TCF4: variants seen among roughly 807,000 people sequenced by gnomAD.
TCF4 encodes SL3-3 enhancer factor 2.
In TCF4, 3 loss-of-function variants were observed where a neutral mutation model predicts 82.1. That is an observed-to-expected ratio of 0.04 (90% confidence interval 0.02 to 0.09). The LOEUF (loss-of-function observed/expected upper bound fraction) is 0.09. TCF4 is among the 10% of genes least tolerant of loss of function. The pLI is 1.00. For missense variants in TCF4, 518 were observed against 852.7 expected, an observed-to-expected ratio of 0.61 and a Z score of 4.89; for synonymous variants, 276 against 309.6, an observed-to-expected ratio of 0.89 and a Z score of 1.14.
At chr18:55,523,995 T>G (rs1232536642) in intron 3 of TCF4, among the ~76,000 whole-genome samples, 1 of 152,152 alleles carries the variant, frequency 6.6e-6, no homozygotes, top group Non-Finnish European at 1.5e-5. Context: ...AAATATTCAC[T>G]GAAAATTTAG....
At chr18:55,321,397 C>G (rs1167950621) in intron 8 of TCF4, 1 of 498,590 alleles carries the variant, frequency 2.0e-6, no homozygotes, top group Non-Finnish European at 3.6e-6. Context: ...TCAACTTTAC[C>G]TGACTGCAAA....
At chr18:55,600,672 C>T (rs747526777) in intron 2 of TCF4, among the ~76,000 whole-genome samples, 3 of 152,192 alleles carry the variant, frequency 2.0e-5, no homozygotes, top group Non-Finnish European at 4.4e-5. Context: ...CTTTGCCACC[C>T]AGATAGGTTC....
Position 55,303,226 on chromosome 18 carries a change from T to TACACACAC in TCF4, c.550-23578_550-23571dup, listed in dbSNP as rs74180496. Reference sequence around the variant, plus strand: ...TACTTCCAACCTGGCTCCCAGTACGTACACACACACACACACACACACACA... The same window carrying TACACACAC: ...TACTTCCAACCTGGCTCCCAGTACGTACACACACACACACACACACACACACACACACA... On this transcript the variant is annotated intron_variant, in intron 8 of 19. Transcript: ENST00000354452. Among the ~76,000 whole-genome samples the TACACACAC allele has an allele frequency of 4.6e-3, 622 of 136,050 alleles. 4 individuals are homozygous for TACACACAC. Among genetic ancestry groups the TACACACAC allele is most frequent in the South Asian group, 6.9e-3 (26 of 3,768 alleles). The allele number at this position is 136,050 out of a possible 152,430, so 89.3% of individuals were successfully genotyped here.
intron 3 of TCF4, among the ~76,000 whole-genome samples, chr18:55,520,779 C>G (rs2096926354): frequency 6.6e-6 from 1 of 152,146 alleles, no homozygotes; most frequent in African/African-American, 2.4e-5. Context: ...ATTCATTAGG[C>G]AGGAATCATA....
rs2097671125 is a variant in TCF4, at chr18:55,588,149, C to T, written c.-132G>A. The T allele has an allele frequency of 1.8e-6, 2 of 1,086,656 alleles. No homozygotes were observed. Among genetic ancestry groups the T allele is most frequent in the Non-Finnish European group, 1.1e-6 (1 of 901,448 alleles). The allele number at this position is 1,086,656 out of a possible 1,614,324, so 67.3% of individuals were successfully genotyped here. ...GCTCCTGCGCCCGCTCCCGCGCCTGCTGCCTCCCCGCCGCCGCCGCCGCCG... is the reference window on the plus strand; with the variant it reads ...GCTCCTGCGCCCGCTCCCGCGCCTGTTGCCTCCCCGCCGCCGCCGCCGCCG... On this transcript the variant is annotated 5_prime_UTR_variant, in exon 1 of 20. Coordinates refer to ENST00000354452, the MANE Select transcript of TCF4 (RefSeq NM_001083962.2).
chr18:55,283,273 A>G (rs2062990023), intron 8 of TCF4, among the ~76,000 whole-genome samples: 1 of 151,458 alleles, frequency 6.6e-6, no homozygotes, highest in Non-Finnish European at 1.5e-5. Context: ...TTATTTCTGC[A>G]CTCATCAAAG....
chr18:55,604,343 G>A (rs1361752490), intron 2 of TCF4, among the ~76,000 whole-genome samples: 3 of 152,044 alleles, frequency 2.0e-5, no homozygotes, highest in Non-Finnish European at 2.9e-5. Flanking sequence ...GAAGTTTTTG[G>A]TTTGGGTTGG....
upstream of TCF4, chr18:55,588,502 G>C: frequency 6.5e-7 from 1 of 1,535,224 alleles, no homozygotes; most frequent in Non-Finnish European, 8.7e-7. Flanking sequence ...GTTACAATCT[G>C]AAGCCTGAAC....
intron 3 of TCF4, among the ~76,000 whole-genome samples, chr18:55,497,170 C>T (rs1420682845): frequency 2.0e-5 from 3 of 152,116 alleles, no homozygotes; most frequent in Non-Finnish European, 4.4e-5. Flanking sequence ...GGTTAAAGAA[C>T]AAGTTTGTCA....
rs199540114 is a variant in TCF4 at position 55,585,341 on chromosome 18, A to C, written c.84T>G (p.Pro28=). ...GTCCATTTTTCCCACTGCTCACAGG[A>C]GGTGAAAACATCTAAAAGAAACAAA... is the stretch of plus-strand genomic sequence containing the variant. ...DLLDFSAMFS[P]PVSSGKNGPT... Residue 28 remains proline, a synonymous_variant, in exon 3 of 20, where the codon CCT becomes CCG. Coordinates refer to ENST00000354452, the MANE Select transcript of TCF4 (RefSeq NM_001083962.2). 6 of 1,613,966 alleles carry C rather than the reference A, an allele frequency of 3.7e-6. No individual in the cohort carries two copies. In the African/African-American group the frequency reaches 8.0e-5, roughly 22 times the overall value.
chr18:55,476,814 A>G (rs2096299628), intron 3 of TCF4, among the ~76,000 whole-genome samples: 1 of 152,134 alleles, frequency 6.6e-6, no homozygotes, highest in Admixed American at 6.5e-5. Flanking sequence ...ACATATTTCA[A>G]CTGTGATTTA....
chr18:55,343,550 C>T (rs1340850550), intron 8 of TCF4, among the ~76,000 whole-genome samples: 1 of 152,084 alleles, frequency 6.6e-6, no homozygotes, highest in Non-Finnish European at 1.5e-5. Context: ...CACATTCTTT[C>T]AGAAGTGAAA....
rs1235997582 is a variant in TCF4 at position 55,226,907 on chromosome 18, ATTATG to A, written c.*1123_*1127del. ...ATTTTGTTAAATCACAGCCACTTTG[ATTATG>A]TTATGTTTCCGATGATATAAACATT... On this transcript the variant is annotated 3_prime_UTR_variant, in exon 20 of 20. Transcript: ENST00000354452. 2 of 152,584 alleles carry A rather than the reference ATTATG, an allele frequency of 1.3e-5. No homozygotes were observed. Among genetic ancestry groups the A allele is most frequent in the Non-Finnish European group, 2.9e-5 (2 of 68,014 alleles). The allele number at this position is 152,584 out of a possible 1,614,324, so 9.5% of individuals were successfully genotyped here.
At chr18:55,545,835 AAAG>A (rs1448417772) in intron 3 of TCF4, among the ~76,000 whole-genome samples, 3 of 152,228 alleles carry the variant, frequency 2.0e-5, no homozygotes, top group South Asian at 2.1e-4. Context: ...AGCAAAGATT[AAAG>A]AAGATGCGGT....
At chr18:55,297,782 CA>C (rs912871171) in intron 8 of TCF4, among the ~76,000 whole-genome samples, 20 of 146,490 alleles carry the variant, frequency 1.4e-4, no homozygotes, top group East Asian at 6.0e-4. Flanking sequence ...AAGAAGCAAA[CA>C]AAAAAAAAAC....
intron 3 of TCF4, among the ~76,000 whole-genome samples, chr18:55,533,163 A>C (rs1307307170): frequency 3.3e-5 from 5 of 152,156 alleles, no homozygotes; most frequent in Non-Finnish European, 7.3e-5. Flanking sequence ...TACAACAAGA[A>C]ACACCCCTGA....
intron 8 of TCF4, among the ~76,000 whole-genome samples, chr18:55,296,428 C>A (rs866708964): frequency 2.0e-5 from 3 of 152,196 alleles, no homozygotes; most frequent in African/African-American, 7.2e-5. Context: ...ACTTCCACTG[C>A]TTAGAAGTCT....
At chr18:55,598,085 A>G (rs1430386531) in intron 2 of TCF4, among the ~76,000 whole-genome samples, 1 of 152,228 alleles carries the variant, frequency 6.6e-6, no homozygotes, top group Non-Finnish European at 1.5e-5. Context: ...CAAACTATAT[A>G]GAGAGTTATC....
In TCF4 at chr18:55,254,480, T is replaced by C. The variant is rs768511368; in HGVS notation, c.1350+17A>G. The C allele has an allele frequency of 6.2e-7, 1 of 1,611,282 alleles. No individual in the cohort carries two copies. The highest frequency in any genetic ancestry group is 8.5e-7 in the Non-Finnish European group (1 of 1,178,086). Reference sequence around the variant, plus strand: ...CTCTATATGATAACTATAGAGTCTATAAATTTCATCACTTACCATGAGTGA... The same window carrying C: ...CTCTATATGATAACTATAGAGTCTACAAATTTCATCACTTACCATGAGTGA... On this transcript the variant is annotated intron_variant, in intron 15 of 19. Transcript: ENST00000354452.
Sources: gnomAD v4.1 joint callset for allele counts (sites outside exome capture counted in the v4.1 genomes callset) on GRCh38, gnomAD v4.1.1 for gene constraint, MANE v1.5 for transcripts, NCBI Gene and HGNC (gene_info 2026-07-23, HGNC 2026-07-21) for gene names.